Variants in TASOR2 observed in about 807,000 individuals in gnomAD.
TASOR2 encodes the protein transcription activation suppressor family member 2.
A neutral mutation model predicts 199.5 loss-of-function variants in TASOR2; 84 were observed. The ratio of observed to expected loss-of-function variants is 0.42; its 90% confidence interval spans 0.35 to 0.50. The LOEUF is 0.50. Among genes scored for constraint, TASOR2 ranks in the 20% least tolerant of loss-of-function variants. The pLI, the probability that TASOR2 is intolerant of heterozygous loss-of-function variation, is 0.02. For synonymous variants in TASOR2, 1,103 were observed against 1,046.6 expected (o/e 1.05, Z -1.04); for missense variants, 2,796 against 2,835.9 (o/e 0.99, Z 0.32).
chr10:5,748,775 G>C lies in TASOR2; in HGVS notation c.5354G>C (p.Cys1785Ser). 1.2e-6 allele frequency: 2 copies of C among 1,614,158 alleles called. No homozygotes were observed. The highest frequency in any genetic ancestry group is 1.7e-6 in the Non-Finnish European group (2 of 1,180,020). The change falls in exon 15 of 21, where the codon TGT becomes TCT. Residue 1785 changes from cysteine (C) to serine (S), a missense_variant. Physicochemically the swap from Cys to Ser is moderately radical, Grantham distance 112. This residue lies in a region of TASOR2 where 1,941 missense variants were observed against 1,924.9 expected (regional missense o/e 1.01). Transcript: ENST00000328090. This position sits in a 1 kb window ranked among gnomAD's most constrained non-coding sequence, Gnocchi z 5.1. Reference sequence around the variant, plus strand: ...TCAGAATCCTTTGATACTTCTGTTTGTGGAATAGCCACAGAGCACGTAGAA... The same window carrying C: ...TCAGAATCCTTTGATACTTCTGTTTCTGGAATAGCCACAGAGCACGTAGAA...
rs371366460 is a variant in TASOR2, at chr10:5,703,503, A to ATTTTTTT, written c.-287-9306_-287-9300dup. On this transcript the variant is annotated intron_variant, in intron 1 of 20. Transcript: ENST00000328090. ...TATATTGCTAGTTTAGGTTTTTCTG[A>ATTTTTTT]TTTTTTTTTTTTTTTTTTTTGAGAC... Among the ~76,000 whole-genome samples, 56 of 110,238 alleles carry ATTTTTTT rather than the reference A, an allele frequency of 5.1e-4. 1 individual carries two copies. Among genetic ancestry groups the ATTTTTTT allele is most frequent in the East Asian group, 1.1e-3 (4 of 3,742 alleles). 72.3% of individuals were successfully genotyped at this position (110,238 alleles called of 152,430 possible). A position where few individuals can be genotyped will look rare whatever the true frequency, so the allele number is the denominator to read the frequency against.
In TASOR2 at chr10:5,727,214, G is replaced by A. The variant is rs1276530368; in HGVS notation, c.487+91G>A. The A allele has an allele frequency of 2.9e-6, 4 of 1,365,316 alleles. No homozygotes were observed. In the East Asian group the frequency reaches 6.9e-5, roughly 24 times the overall value. The allele number at this position is 1,365,316 out of a possible 1,614,324, so 84.6% of individuals were successfully genotyped here. A position where few individuals can be genotyped will look rare whatever the true frequency, so the allele number is the denominator to read the frequency against. ...CCTCTCAGCAGCACGTGACACTGTT[G>A]ACTGTTTTTTCCTCTTAAATACCTC... is the stretch of plus-strand genomic sequence containing the variant. On this transcript the variant is annotated intron_variant, in intron 10 of 20. Coordinates refer to ENST00000328090, the Ensembl canonical transcript of TASOR2.
intron 1 of TASOR2, among the ~76,000 whole-genome samples, chr10:5,705,919 C>T (rs1452833875): frequency 6.6e-6 from 1 of 151,954 alleles, no homozygotes; most frequent in Non-Finnish European, 1.5e-5. Flanking sequence ...TAATTTTGTG[C>T]CCTATGAAAA....
chr10:5,734,755 G>A (rs940558972), intron 11 of TASOR2, among the ~76,000 whole-genome samples: 6 of 114,144 alleles, frequency 5.3e-5, no homozygotes, highest in Non-Finnish European at 9.9e-5. Context: ...TTGAGACAGG[G>A]TCTCACTCTT....
At chr10:5,723,742 C>T in exon 7 of TASOR2, 1 of 1,604,462 alleles carries the variant, frequency 6.2e-7, no homozygotes, top group Non-Finnish European at 8.5e-7. Flanking sequence ...CTACCAGAGG[C>T]TGCCTTCAGA....
rs751716225 is a variant in TASOR2, at chr10:5,748,921, C to G, written c.5500C>G (p.Leu1834Val). The G allele has an allele frequency of 6.2e-7, 1 of 1,614,058 alleles. No individual in the cohort carries two copies. The highest frequency in any genetic ancestry group is 1.1e-5 in the South Asian group (1 of 91,070). ...ACTCTCTGGAGATTCTGATCTAGAC[C>G]TGCTTGGTGATTGTAGAAATCCCAG... The change falls in exon 15 of 21, where the codon CTG becomes GTG. Residue 1834 changes from leucine to valine, a missense_variant. Leu to Val is a conservative substitution (Grantham distance 32). Transcript: ENST00000328090. The surrounding 1 kb of genome is among the most constrained non-coding windows in gnomAD (Gnocchi z 5.1).
chr10:5,761,703 CAA>C, intron 19 of TASOR2: 1 of 510,050 alleles, frequency 2.0e-6, no homozygotes, highest in Non-Finnish European at 3.5e-6. Context: ...TTATAATACT[CAA>C]TACAGTATAA....
chr10:5,757,661 G>A, exon 17 of TASOR2: 1 of 1,612,918 alleles, frequency 6.2e-7, no homozygotes, highest in East Asian at 2.2e-5. Context: ...GATACTAGAA[G>A]CTGTAACATT....
chr10:5,731,120 C>G, exon 11 of TASOR2: 2 of 1,613,134 alleles, frequency 1.2e-6, no homozygotes, highest in Non-Finnish European at 8.5e-7. Flanking sequence ...CCCAAAAGAA[C>G]TGCTTCCAGA....
chr10:5,747,446 A>T lies in TASOR2; in HGVS notation c.4025A>T (p.Asn1342Ile), dbSNP rs756902019. The T allele has an allele frequency of 9.9e-6, 16 of 1,613,938 alleles. No individual in the cohort carries two copies. The East Asian group carries it at 3.6e-4, about 36-fold the overall frequency. Reference sequence around the variant, plus strand: ...AGCAGAGAAGTGAGTTCTGCTGACAATGTGTCAGTATATCCCTCAGTGTCA... The same window carrying T: ...AGCAGAGAAGTGAGTTCTGCTGACATTGTGTCAGTATATCCCTCAGTGTCA... The change falls in exon 15 of 21, where the codon AAT becomes ATT. Residue 1342 changes from asparagine (N) to isoleucine (I), a missense_variant. This residue lies in a region of TASOR2 where 1,941 missense variants were observed against 1,924.9 expected (regional missense o/e 1.01). Coordinates refer to ENST00000328090, the Ensembl canonical transcript of TASOR2.
Position 5,712,818 on chromosome 10 carries a change from T to C in TASOR2, c.-287-5T>C, listed in dbSNP as rs1832086368. ...GTTTGGTTATTCTGTTCTCTCTTTA[T>C]ACAGTACAAAACTTTTTACCAACAA... On this transcript the variant is annotated splice_region_variant and splice_polypyrimidine_tract_variant and intron_variant, in intron 1 of 20. Coordinates refer to ENST00000328090, the Ensembl canonical transcript of TASOR2. 8.3e-7 allele frequency: 1 copy of C among 1,204,400 alleles called. No homozygotes were observed. The highest frequency in any genetic ancestry group is 3.2e-5 in the East Asian group (1 of 31,460). 74.6% of individuals were successfully genotyped at this position (1,204,400 alleles called of 1,614,324 possible).
chr10:5,719,355 G>GT lies in TASOR2; in HGVS notation c.-99-1183dup, dbSNP rs1369079875. Among the ~76,000 whole-genome samples the GT allele has an allele frequency of 6.6e-6, 1 of 151,756 alleles. No homozygotes were observed. The highest frequency in any genetic ancestry group is 1.5e-5 in the Non-Finnish European group (1 of 67,904). On this transcript the variant is annotated intron_variant, in intron 3 of 20. Transcript: ENST00000328090. The surrounding 1 kb of genome is among the most constrained non-coding windows in gnomAD (Gnocchi z 4.1). ...TTGCTTTTTATTTTTTTGTTTGTTT[G>GT]TTTTTTGAGACAGAGTCTTGCTCTG...
chr10:5,735,579 C>T (rs966824026), intron 12 of TASOR2, 33 bp downstream of exon 13: 1 of 1,601,530 alleles, frequency 6.2e-7, no homozygotes, highest in Non-Finnish European at 8.5e-7. Flanking sequence ...ATTTAAACAC[C>T]CCAATACAGA....
intron 14 of TASOR2, among the ~76,000 whole-genome samples, chr10:5,745,546 G>A (rs983792187): frequency 2.0e-5 from 3 of 152,142 alleles, no homozygotes; most frequent in East Asian, 3.9e-4. Flanking sequence ...TTGGGAGGCC[G>A]AGGTGGGTGG....
exon 17 of TASOR2, chr10:5,757,552 C>G (rs1839145540): frequency 6.2e-7 from 1 of 1,610,236 alleles, no homozygotes; most frequent in East Asian, 2.2e-5. Context: ...AGCATTTCCC[C>G]AGTGTCATCT....
At chr10:5,763,169 T>G (rs996716316) in exon 21 of TASOR2, 2 of 835,300 alleles carry the variant, frequency 2.4e-6, no homozygotes, top group Non-Finnish European at 3.6e-6. Context: ...CTTGGAAAGT[T>G]TTCATTTTTT....
rs1835717189 is a variant in TASOR2, at chr10:5,685,547, T to C, written c.-288+372T>C. On this transcript the variant is annotated intron_variant, in intron 1 of 20. Transcript: ENST00000328090. The surrounding 1 kb of genome is among the most constrained non-coding windows in gnomAD (Gnocchi z 5.4). ...GGTTTGCACCGGCTGGGAAATCATT[T>C]CCTGCGGGTTCTGCGTGAAGCCTGC... Among the ~76,000 whole-genome samples the C allele has an allele frequency of 6.6e-6, 1 of 152,170 alleles. No individual in the cohort carries two copies. The highest frequency in any genetic ancestry group is 6.5e-5 in the Admixed American group (1 of 15,268).
chr10:5,746,424 CAA>C lies in TASOR2; in HGVS notation c.3005_3006del (p.Lys1002SerfsTer5). ...GCTCTGTGTACGGCACCCTTGAAAA[CAA>C]AGTGGATATTCTTGATGCAGCAGTG... is the stretch of plus-strand genomic sequence containing the variant. On this transcript the variant is annotated frameshift_variant, in exon 15 of 21. Transcript: ENST00000328090. LOFTEE classifies it high-confidence loss of function. The C allele has an allele frequency of 1.2e-6, 2 of 1,614,160 alleles. No homozygotes were observed. The highest frequency in any genetic ancestry group is 1.7e-6 in the Non-Finnish European group (2 of 1,180,026).
At position 5,738,181 on chromosome 10, in the gene TASOR2, C is replaced by A. The variant is rs1792744475; in HGVS notation, c.1448-1437C>A. The stretch of plus-strand genomic sequence containing the variant: ...TTTTCTGTCCTTTTTATTCACTGAA[C>A]TTTTTTTTAATGTAGTTCCTTTGGC... On this transcript the variant is annotated intron_variant, in intron 12 of 20. Coordinates refer to ENST00000328090, the Ensembl canonical transcript of TASOR2. This position sits in a 1 kb window ranked among gnomAD's most constrained non-coding sequence, Gnocchi z 4.7. 6.6e-6 allele frequency among the ~76,000 whole-genome samples: 1 copy of A among 151,870 alleles called. No homozygotes were observed. Among genetic ancestry groups the A allele is most frequent in the African/African-American group, 2.4e-5 (1 of 41,338 alleles).
Sources: allele counts gnomAD v4.1 joint callset (sites outside exome capture counted in the v4.1 genomes callset), GRCh38; gene constraint gnomAD v4.1.1; regional missense constraint gnomAD v4.1.1; non-coding constraint Gnocchi (gnomAD v3.1); transcripts MANE v1.5; gene names NCBI Gene and HGNC (gene_info 2026-07-23, HGNC 2026-07-21).